Variants in PRDM2 observed in about 807,000 individuals in gnomAD.
The protein encoded by PRDM2 is PR/SET domain 2, also known as PR domain zinc finger protein 2.
A neutral mutation model predicts 130.0 loss-of-function variants in PRDM2; 30 were observed. The ratio of observed to expected loss-of-function variants is 0.23; its 90% CI spans 0.17 to 0.31. The LOEUF (loss-of-function observed/expected upper bound fraction) is 0.31, where lower values mean the gene tolerates loss of function less well. Among genes scored for constraint, PRDM2 ranks in the 10% least tolerant of loss-of-function variants. The pLI is 1.00. For synonymous variants in PRDM2, 871 were observed against 782.4 expected, an observed-to-expected ratio of 1.11 and a Z score of -1.89; for missense variants, 2,011 against 2,108.4, an observed-to-expected ratio of 0.95 and a Z score of 0.90.
rs748345511 is a variant in PRDM2 at position 13,780,999 on chromosome 1, T to TTCC, written c.3210_3212dup (p.Ser1072dup). 14 of 1,600,876 alleles carry TTCC rather than the reference T, an allele frequency of 8.7e-6. No homozygotes were observed. The East Asian group carries it at 2.5e-4, about 28-fold the overall frequency. ...CCTCCTCTTCGTTTTCTTCTTCATC[T>TTCC]TCCTCCTCTTCTCCTTCTCCACCTC... On this transcript the variant is annotated inframe_insertion, in exon 8 of 10. Coordinates refer to ENST00000311066, the MANE Select transcript of PRDM2 (RefSeq NM_001393986.1).
intron 8 of PRDM2, among the ~76,000 whole-genome samples, chr1:13,785,797 T>C (rs1216977532): frequency 1.3e-5 from 2 of 150,318 alleles, no homozygotes; most frequent in African/African-American, 4.9e-5. Flanking sequence ...CTCCTACTCA[T>C]CTTTCACCTT....
At chr1:13,726,824 C>G (rs1341397490) in intron 2 of PRDM2, among the ~76,000 whole-genome samples, 2 of 152,134 alleles carry the variant, frequency 1.3e-5, no homozygotes, top group East Asian at 3.8e-4. Flanking sequence ...TCTTTAGCTT[C>G]TTTCATATCA....
chr1:13,778,997 C>A lies in PRDM2; in HGVS notation c.1202C>A (p.Thr401Lys), dbSNP rs2100659230. The A allele has an allele frequency of 1.2e-6, 2 of 1,614,176 alleles. No individual in the cohort carries two copies. Among genetic ancestry groups the A allele is most frequent in the East Asian group, 4.5e-5 (2 of 44,882 alleles). Residue 401 changes from threonine (T) to lysine (K), a missense_variant, in exon 8 of 10, where the codon ACA becomes AAA. Coordinates refer to ENST00000311066, the MANE Select transcript of PRDM2 (RefSeq NM_001393986.1). The part of the protein sequence containing the change: ...KCKYCGKAFG[T>K]QINRRRHERR... ...AAGTACTGTGGGAAAGCCTTTGGCA[C>A]ACAGATTAACCGGCGGCGACATGAG...
intron 8 of PRDM2, among the ~76,000 whole-genome samples, chr1:13,791,059 A>T (rs1330673390): frequency 6.6e-6 from 1 of 151,870 alleles, no homozygotes; most frequent in Non-Finnish European, 1.5e-5. Flanking sequence ...TAAGGTGGCA[A>T]GTTGGGATTT....
chr1:13,703,818 A>T (rs2100374687), intron 1 of PRDM2, among the ~76,000 whole-genome samples: 1 of 152,376 alleles, frequency 6.6e-6, no homozygotes, highest in East Asian at 1.9e-4. Context: ...GATTGATGGT[A>T]GAGGCTATGC....
At chr1:13,769,839 A>G (rs1292205360) in intron 6 of PRDM2, among the ~76,000 whole-genome samples, 2 of 152,174 alleles carry the variant, frequency 1.3e-5, no homozygotes, top group African/African-American at 4.8e-5. Context: ...CCAGAAATGC[A>G]TTGATCTAGT....
chr1:13,747,556 T>G (rs778739643), intron 5 of PRDM2, among the ~76,000 whole-genome samples: 6 of 151,812 alleles, frequency 4.0e-5, no homozygotes, highest in Non-Finnish European at 7.4e-5. Context: ...GATTTTAGCC[T>G]TCTTAGGGGT....
chr1:13,782,600 A>C lies in PRDM2; in HGVS notation c.4805A>C (p.Gln1602Pro), dbSNP rs1335797015. 1.9e-6 allele frequency: 3 copies of C among 1,614,224 alleles called. No homozygotes were observed. ...GCTGTGGCCAAGAATCATTCTGCTC[A>C]GCTTTCCAGCAAAACATCACGGAGC... ...PKAVAKNHSA[Q>P]LSSKTSRSLH... Residue 1602 changes from glutamine to proline, a missense_variant, in exon 8 of 10, where the codon CAG becomes CCG. This residue lies in a region of PRDM2 where 410 missense variants were observed against 395.9 expected (regional missense o/e 1.04). Transcript: ENST00000311066.
chr1:13,788,186 G>A (rs763441341), intron 8 of PRDM2: 20 of 838,368 alleles, frequency 2.4e-5, no homozygotes, highest in African/African-American at 7.4e-5. Context: ...AAAGTGCGGC[G>A]TCTACTCAGC....
chr1:13,707,393 A>G (rs1260607658), intron 1 of PRDM2, among the ~76,000 whole-genome samples: 2 of 152,230 alleles, frequency 1.3e-5, no homozygotes, highest in Admixed American at 1.3e-4. Flanking sequence ...ACAGGGGTCA[A>G]CTGAGGATTC....
Position 13,780,957 on chromosome 1 carries a change from C to G in PRDM2, c.3162C>G (p.Ser1054=), listed in dbSNP as rs780070255. The change falls in exon 8 of 10, where the codon TCC becomes TCG. Residue 1054 remains serine, a synonymous_variant. Coordinates refer to ENST00000311066, the MANE Select transcript of PRDM2 (RefSeq NM_001393986.1). ...CCGGGCCTCCAACACTTTCTTCTTC[C>G]TCCTCTTCATCTTCCTCCTCCTCTT... is the stretch of plus-strand genomic sequence containing the variant. ...ASPGPPTLSS[S]SSSSSSSSSF... The G allele has an allele frequency of 6.2e-7, 1 of 1,607,238 alleles. No individual in the cohort carries two copies. The highest frequency in any genetic ancestry group is 8.5e-7 in the Non-Finnish European group (1 of 1,174,016).
intron 5 of PRDM2, among the ~76,000 whole-genome samples, chr1:13,747,542 G>A (rs1643647979): frequency 6.6e-6 from 1 of 151,952 alleles, no homozygotes; most frequent in Admixed American, 6.5e-5. Context: ...ATAAGAAAAA[G>A]GCAGATTTTA....
intron 1 of PRDM2, among the ~76,000 whole-genome samples, chr1:13,712,590 A>C (rs951800778): frequency 2.6e-5 from 4 of 152,068 alleles, no homozygotes; most frequent in African/African-American, 9.7e-5. Context: ...CTCCGTCTCT[A>C]CTAAAAATAC....
intron 6 of PRDM2, among the ~76,000 whole-genome samples, chr1:13,770,001 C>T: frequency 6.6e-6 from 1 of 152,148 alleles, no homozygotes; most frequent in East Asian, 1.9e-4. Context: ...GTGCATCAGA[C>T]AGCCCACCCC....
chr1:13,756,256 CCTT>C (rs1643949640), intron 6 of PRDM2, among the ~76,000 whole-genome samples: 1 of 148,164 alleles, frequency 6.7e-6, no homozygotes, highest in Admixed American at 6.7e-5. Flanking sequence ...GAGCGAGACT[CCTT>C]CTCAAAAAAA....
chr1:13,804,184 T>A (rs551533078), intron 8 of PRDM2, among the ~76,000 whole-genome samples: 41 of 152,208 alleles, frequency 2.7e-4, no homozygotes, highest in African/African-American at 8.7e-4. Context: ...TGGGCCAGTG[T>A]GTACTAATTC....
rs999627827 is a variant in PRDM2 at position 13,786,367 on chromosome 1, G to T, written c.5036+3536G>T. On this transcript the variant is annotated intron_variant, in intron 8 of 9. Transcript: ENST00000311066. ...CTTGCAGGGTGTGTCTTCTGGGTAG[G>T]ACGCTCGTTCCTAAATGCCTTCAGT... 7 of 1,044,284 alleles carry T rather than the reference G, an allele frequency of 6.7e-6. No individual in the cohort carries two copies. In the African/African-American group the frequency reaches 1.1e-4, roughly 17 times the overall value. 64.7% of individuals were successfully genotyped at this position (1,044,284 alleles called of 1,614,324 possible).
chr1:13,703,299 C>CT (rs1433870992), intron 1 of PRDM2, among the ~76,000 whole-genome samples: 1 of 152,212 alleles, frequency 6.6e-6, no homozygotes, highest in Non-Finnish European at 1.5e-5. Context: ...TCCCTGTCCT[C>CT]TATCAGGGAG....
chr1:13,768,729 T>C lies in PRDM2; in HGVS notation c.512-4349T>C, dbSNP rs12023597. On this transcript the variant is annotated intron_variant, in intron 6 of 9. Coordinates refer to ENST00000311066, the MANE Select transcript of PRDM2 (RefSeq NM_001393986.1). ...TTACAGCTACTGTAGTCGTGTGTCA[T>C]TGGGCAAGTTATTTCACATCTCTGC... Among the ~76,000 whole-genome samples the C allele has an allele frequency of 4.6e-5, 7 of 152,318 alleles. No individual in the cohort carries two copies. The East Asian group carries it at 5.8e-4, about 13-fold the overall frequency.
Sources: gnomAD v4.1 joint callset for allele counts (sites outside exome capture counted in the v4.1 genomes callset) on GRCh38, gnomAD v4.1.1 for gene constraint, gnomAD v4.1.1 regional missense constraint, MANE v1.5 for transcripts, NCBI Gene and HGNC (gene_info 2026-07-23, HGNC 2026-07-21) for gene names.